The following GRIA1 variants were observed in gnomAD, a reference collection of about 807,000 sequenced individuals.
GRIA1 encodes the protein glutamate receptor 1.
A neutral mutation model predicts 99.2 loss-of-function variants in GRIA1; 31 were observed. The observed-to-expected ratio is 0.31, with a 90% CI of 0.23 to 0.42. The LOEUF (loss-of-function observed/expected upper bound fraction) is 0.42, where lower values mean the gene tolerates loss of function less well. Ranked by LOEUF, GRIA1 falls within the 10% of genes least tolerant of loss-of-function variation. The pLI, the probability that GRIA1 is intolerant of heterozygous loss-of-function variation, is 1.00. For synonymous variants in GRIA1, 438 were observed against 432.4 expected, an observed-to-expected ratio of 1.01 and a Z score of -0.16; for missense variants, 782 against 1,157.5, an observed-to-expected ratio of 0.68 and a Z score of 4.71.
chr5:153,762,731 C>T lies in GRIA1; in HGVS notation c.1824-1703C>T, dbSNP rs115155043. 6.0e-3 allele frequency among the ~76,000 whole-genome samples: 915 copies of T among 152,272 alleles called. 10 individuals are homozygous for T. The highest frequency in any genetic ancestry group is 0.021 in the African/African-American group (874 of 41,538). On this transcript the variant is annotated intron_variant, in intron 11 of 15. Transcript: ENST00000285900. ...TGTCCTGGGGGACCAAGAGTCACCA[C>T]CAAGTATATCTCTGTAAATGGTTCA...
At position 153,705,762 on chromosome 5, in the gene GRIA1, C is replaced by T; in HGVS notation, c.1518C>T (p.Ser506=). The change falls in exon 11 of 16, where the codon TCC becomes TCT. Residue 506 remains serine, a synonymous_variant. Transcript: ENST00000285900. ...TCCGGGAAGAAGTTATAGATTTCTC[C>T]AAACCATTTATGAGTTTGGGGATCT... ...TLVREEVIDF[S]KPFMSLGISI... is the part of the protein sequence containing the mutation. 7.0e-7 allele frequency: 1 copy of T among 1,426,084 alleles called. No individual in the cohort carries two copies. The highest frequency in any genetic ancestry group is 9.4e-7 in the Non-Finnish European group (1 of 1,065,780). The allele number at this position is 1,426,084 out of a possible 1,614,324, so 88.3% of individuals were successfully genotyped here. A position where few individuals can be genotyped will look rare whatever the true frequency, so the allele number is the denominator to read the frequency against.
In GRIA1 at chr5:153,494,064, A is replaced by G. The variant is rs1561583023; in HGVS notation, c.219A>G (p.Arg73=). The change falls in exon 2 of 16, where the codon AGA becomes AGG. Residue 73 remains arginine (R), a splice_region_variant and synonymous_variant. Coordinates refer to ENST00000285900, the MANE Select transcript of GRIA1 (RefSeq NM_000827.4). ...NISDSFEMTY[R]FCSQFSKGVY... is the part of the protein sequence containing the mutation. ...GCGACAGCTTTGAGATGACCTATAGATGTAAGTAATTGCTTCTATTTCTGA... is the reference window on the plus strand; with the variant it reads ...GCGACAGCTTTGAGATGACCTATAGGTGTAAGTAATTGCTTCTATTTCTGA... The G allele has an allele frequency of 6.2e-7, 1 of 1,613,588 alleles. No homozygotes were observed. Among genetic ancestry groups the G allele is most frequent in the South Asian group, 1.1e-5 (1 of 91,054 alleles).
At chr5:153,621,251 T>G (rs1362519046) in intron 2 of GRIA1, among the ~76,000 whole-genome samples, 1 of 152,162 alleles carries the variant, frequency 6.6e-6, no homozygotes, top group African/African-American at 2.4e-5. Context: ...CATTAAGTGA[T>G]TAGTAGGTCT....
intron 12 of GRIA1, 88 bp from the exon 13 acceptor site, chr5:153,770,080 A>C (rs1050329144): frequency 4.5e-6 from 6 of 1,327,044 alleles, no homozygotes; most frequent in Non-Finnish European, 6.4e-6. Flanking sequence ...TGAATGTGTG[A>C]TCAAGCTACA....
At chr5:153,754,167 C>T (rs750720583) in intron 11 of GRIA1, among the ~76,000 whole-genome samples, 1 of 152,104 alleles carries the variant, frequency 6.6e-6, no homozygotes, top group East Asian at 1.9e-4. Flanking sequence ...CAGCTCCCTG[C>T]GTTTAGTATG....
intron 2 of GRIA1, among the ~76,000 whole-genome samples, chr5:153,614,511 T>C (rs1446999016): frequency 1.3e-5 from 2 of 152,186 alleles, no homozygotes; most frequent in Non-Finnish European, 2.9e-5. Context: ...ATAAGGAAAC[T>C]GGTCAAGTCA....
intron 5 of GRIA1, among the ~76,000 whole-genome samples, chr5:153,662,946 C>G (rs550218280): frequency 6.6e-6 from 1 of 152,290 alleles, no homozygotes; most frequent in South Asian, 2.1e-4. Context: ...TCCCACACAG[C>G]CTTCCCTCTC....
intron 5 of GRIA1, among the ~76,000 whole-genome samples, chr5:153,660,039 A>T (rs1267964585): frequency 6.6e-6 from 1 of 152,188 alleles, no homozygotes; most frequent in East Asian, 1.9e-4. Flanking sequence ...GGTGGAATTC[A>T]TCATCCCCAT....
chr5:153,558,707 A>G (rs1760864496), intron 2 of GRIA1, among the ~76,000 whole-genome samples: 1 of 152,176 alleles, frequency 6.6e-6, no homozygotes, highest in Admixed American at 6.5e-5. Context: ...ATTCATACAT[A>G]GTTTTTTATG....
intron 2 of GRIA1, among the ~76,000 whole-genome samples, chr5:153,540,221 C>T (rs1391666786): frequency 6.6e-6 from 1 of 152,198 alleles, no homozygotes; most frequent in African/African-American, 2.4e-5. Flanking sequence ...CAAGCATCTG[C>T]AGAAAGGCTT....
intron 11 of GRIA1, among the ~76,000 whole-genome samples, chr5:153,734,514 C>A (rs1476669295): frequency 1.3e-5 from 2 of 152,142 alleles, no homozygotes; most frequent in African/African-American, 4.8e-5. Flanking sequence ...ATCAGTTCAC[C>A]ATATAGTTAT....
Position 153,606,060 on chromosome 5 carries a change from G to A in GRIA1, c.221-40868G>A, listed in dbSNP as rs77903898. Among the ~76,000 whole-genome samples the A allele has an allele frequency of 9.4e-3, 1,423 of 151,986 alleles. 21 individuals are homozygous for A. Among genetic ancestry groups the A allele is most frequent in the African/African-American group, 0.033 (1,353 of 41,458 alleles). The stretch of plus-strand genomic sequence containing the variant: ...ATATATTCTTCTATATTAACTTTTG[G>A]TGGCCTTATGTTTTTCCACTTAAAT... On this transcript the variant is annotated intron_variant, in intron 2 of 15. Coordinates refer to ENST00000285900, the MANE Select transcript of GRIA1 (RefSeq NM_000827.4).
intron 2 of GRIA1, among the ~76,000 whole-genome samples, chr5:153,544,626 A>G (rs2113508831): frequency 6.6e-6 from 1 of 152,340 alleles, no homozygotes; most frequent in East Asian, 1.9e-4. Context: ...TACCAACCAG[A>G]TTGAAGAGCT....
chr5:153,766,601 T>A (rs1348229820), intron 12 of GRIA1, among the ~76,000 whole-genome samples: 2 of 152,172 alleles, frequency 1.3e-5, no homozygotes, highest in African/African-American at 4.8e-5. Context: ...GGGTACCAAA[T>A]CTGAGTTTTC....
chr5:153,769,256 A>T (rs1415795664), intron 12 of GRIA1, among the ~76,000 whole-genome samples: 1 of 152,158 alleles, frequency 6.6e-6, no homozygotes, highest in Non-Finnish European at 1.5e-5. Context: ...GACAATTCCT[A>T]AAAAAGATGT....
intron 11 of GRIA1, among the ~76,000 whole-genome samples, chr5:153,728,717 TA>T (rs1760765961): frequency 1.0e-5 from 1 of 96,586 alleles, no homozygotes; most frequent in African/African-American, 4.5e-5. Flanking sequence ...TGGCAGTCAT[TA>T]AAAAGTCAGG....
At chr5:153,545,418 T>G (rs1353081) in intron 2 of GRIA1, among the ~76,000 whole-genome samples, 70,619 of 151,824 alleles carry the variant, frequency 0.47, 18,142 homozygotes, top group Non-Finnish European at 0.59. Context: ...TGGGGGGAAG[T>G]TTGGGTATCT....
At chr5:153,654,971 G>A (rs1485018193) in intron 4 of GRIA1, among the ~76,000 whole-genome samples, 1 of 152,180 alleles carries the variant, frequency 6.6e-6, no homozygotes. Context: ...TTTTCTACCT[G>A]TGATGATTAG....
chr5:153,681,290 G>C (rs7714424), intron 7 of GRIA1, among the ~76,000 whole-genome samples: 54,956 of 152,010 alleles, frequency 0.36, 10,525 homozygotes, highest in African/African-American at 0.41. Context: ...AAGTTCCGCC[G>C]CCATGATGCA....
Sources: gnomAD v4.1 joint callset for allele counts (sites outside exome capture counted in the v4.1 genomes callset) on GRCh38, gnomAD v4.1.1 for gene constraint, MANE v1.5 for transcripts, NCBI Gene and HGNC (gene_info 2026-07-23, HGNC 2026-07-21) for gene names.